ST6GALNAC5: variants seen among roughly 807,000 people sequenced by gnomAD.
ST6GALNAC5 encodes the protein ST6 N-acetylgalactosaminide alpha-2,6-sialyltransferase 5, also known as alpha-N-acetylgalactosaminide alpha-2,6-sialyltransferase 5.
Under a neutral mutation model 33.6 loss-of-function variants are expected in ST6GALNAC5, and 27 were observed. The ratio of observed to expected loss-of-function variants is 0.80; its 90% CI spans 0.59 to 1.11. The LOEUF is 1.11. Among genes scored for constraint, ST6GALNAC5 ranks in the 50% least tolerant of loss-of-function variants. The pLI, the probability that ST6GALNAC5 is intolerant of heterozygous loss-of-function variation, is 0.00. For synonymous variants in ST6GALNAC5, 194 were observed against 171.2 expected (o/e 1.13, Z -1.04); for missense variants, 428 against 454.0 (o/e 0.94, Z 0.52).
At chr1:77,033,819 T>C (rs1651551300) in intron 2 of ST6GALNAC5, among the ~76,000 whole-genome samples, 1 of 149,988 alleles carries the variant, frequency 6.7e-6, no homozygotes, top group Admixed American at 6.7e-5. Flanking sequence ...GGGTGGGGAG[T>C]GAAATGAGTG....
Position 76,912,632 on chromosome 1 carries a change from G to C in ST6GALNAC5, c.261+43890G>C, listed in dbSNP as rs1292011243. 2.0e-5 allele frequency among the ~76,000 whole-genome samples: 3 copies of C among 150,812 alleles called. No homozygotes were observed. In the East Asian group the frequency reaches 5.8e-4, roughly 29 times the overall value. On this transcript the variant is annotated intron_variant, in intron 2 of 4. Transcript: ENST00000477717. ...CCTGTATTGGGTGCATATATATTTA[G>C]GATAGTTAGCTCTTCTTGTTGAATT...
At chr1:76,916,813 T>A (rs1646980684) in intron 2 of ST6GALNAC5, among the ~76,000 whole-genome samples, 1 of 152,170 alleles carries the variant, frequency 6.6e-6, no homozygotes, top group Admixed American at 6.6e-5. Flanking sequence ...TGGCTTCACG[T>A]TCCAAACAAT....
At chr1:76,911,577 C>CT (rs1327365915) in intron 2 of ST6GALNAC5, among the ~76,000 whole-genome samples, 2 of 152,000 alleles carry the variant, frequency 1.3e-5, no homozygotes, top group African/African-American at 4.8e-5. Flanking sequence ...TGGTCCTGGA[C>CT]TCTTTTTGGT....
chr1:77,067,138 A>G lies in ST6GALNAC5; in HGVS notation c.*3932A>G, dbSNP rs945647305. Among the ~76,000 whole-genome samples the G allele has an allele frequency of 6.3e-5, 9 of 143,990 alleles. No individual in the cohort carries two copies. Among genetic ancestry groups the G allele is most frequent in the Non-Finnish European group, 9.0e-5 (6 of 66,716 alleles). The allele number at this position is 143,990 out of a possible 152,430, so 94.5% of individuals were successfully genotyped here. Reference sequence around the variant, plus strand: ...ACCCTATCAGAAGGCCACGTCAAAGAGAACTATAATAATAAGCCCTGGGGG... The same window carrying G: ...ACCCTATCAGAAGGCCACGTCAAAGGGAACTATAATAATAAGCCCTGGGGG... On this transcript the variant is annotated 3_prime_UTR_variant, in exon 5 of 5. Transcript: ENST00000477717.
At chr1:76,916,502 CTTTAT>C (rs1441716552) in intron 2 of ST6GALNAC5, among the ~76,000 whole-genome samples, 1 of 151,998 alleles carries the variant, frequency 6.6e-6, no homozygotes, top group Non-Finnish European at 1.5e-5. Flanking sequence ...CTAAATTTTA[CTTTAT>C]TTTTTGATGT....
intron 2 of ST6GALNAC5, among the ~76,000 whole-genome samples, chr1:77,012,206 T>C (rs901733097): frequency 7.2e-5 from 11 of 152,168 alleles, no homozygotes; most frequent in African/African-American, 2.7e-4. Context: ...ATGCCTTCTC[T>C]GCAGAAATAA....
chr1:76,954,939 A>G (rs1363976936), intron 2 of ST6GALNAC5, among the ~76,000 whole-genome samples: 2 of 152,140 alleles, frequency 1.3e-5, no homozygotes, highest in Non-Finnish European at 2.9e-5. Flanking sequence ...CATTAATTTA[A>G]CAAATACTTG....
intron 2 of ST6GALNAC5, among the ~76,000 whole-genome samples, chr1:77,017,870 A>C (rs2100432524): frequency 6.6e-6 from 1 of 152,338 alleles, no homozygotes; most frequent in South Asian, 2.1e-4. Context: ...GTACAATGGA[A>C]AGAACACTAC....
At chr1:76,867,940 G>T (rs928540739) in intron 1 of ST6GALNAC5, among the ~76,000 whole-genome samples, 2 of 152,220 alleles carry the variant, frequency 1.3e-5, no homozygotes, top group South Asian at 2.1e-4. Context: ...GTCCGAGGGG[G>T]TGGCGGAGAG....
chr1:76,991,367 A>C (rs1649721695), intron 2 of ST6GALNAC5, among the ~76,000 whole-genome samples: 1 of 152,226 alleles, frequency 6.6e-6, no homozygotes, highest in South Asian at 2.1e-4. Flanking sequence ...AGGGCTCAAC[A>C]CAGTTATATA....
chr1:76,886,108 C>T (rs1195235617), intron 2 of ST6GALNAC5, among the ~76,000 whole-genome samples: 1 of 150,614 alleles, frequency 6.6e-6, no homozygotes, highest in Non-Finnish European at 1.5e-5. Context: ...ATCTAATTCC[C>T]TGACCACCAT....
At chr1:77,045,871 G>A (rs1359258274) in intron 3 of ST6GALNAC5, among the ~76,000 whole-genome samples, 2 of 152,316 alleles carry the variant, frequency 1.3e-5, no homozygotes, top group African/African-American at 4.8e-5. Flanking sequence ...GGCCACTAGA[G>A]AGTACAGCTC....
intron 2 of ST6GALNAC5, among the ~76,000 whole-genome samples, chr1:76,905,942 G>T (rs568148248): frequency 6.6e-6 from 1 of 152,114 alleles, no homozygotes; most frequent in Admixed American, 6.6e-5. Context: ...ATGGAGAAAG[G>T]TGCCTTCTAT....
intron 2 of ST6GALNAC5, among the ~76,000 whole-genome samples, chr1:76,962,688 A>G (rs858603): frequency 0.52 from 79,513 of 152,098 alleles, 21,418 homozygotes; most frequent in African/African-American, 0.65. Context: ...GTGCACACAC[A>G]TTTATATTTT....
At chr1:76,882,648 T>C (rs566138870) in intron 2 of ST6GALNAC5, among the ~76,000 whole-genome samples, 1 of 152,282 alleles carries the variant, frequency 6.6e-6, no homozygotes, top group Non-Finnish European at 1.5e-5. Flanking sequence ...CAGACTGAAA[T>C]GCAGTGCCAA....
chr1:77,002,013 T>C (rs1340237697), intron 2 of ST6GALNAC5, among the ~76,000 whole-genome samples: 1 of 152,180 alleles, frequency 6.6e-6, no homozygotes, highest in East Asian at 1.9e-4. Flanking sequence ...ATAAAATGAG[T>C]TAGGAAGGAT....
intron 2 of ST6GALNAC5, among the ~76,000 whole-genome samples, chr1:76,923,504 C>A (rs145205694): frequency 6.6e-6 from 1 of 151,954 alleles, no homozygotes; most frequent in African/African-American, 2.4e-5. Context: ...ACCAGCCTGG[C>A]CAACATGGTG....
intron 3 of ST6GALNAC5, among the ~76,000 whole-genome samples, 182 bp from the exon 4 acceptor site, chr1:77,050,076 T>G (rs1652169287): frequency 6.6e-6 from 1 of 152,226 alleles, no homozygotes; most frequent in South Asian, 2.1e-4. Context: ...ATGATTGTAC[T>G]GTGGAATATG....
intron 2 of ST6GALNAC5, among the ~76,000 whole-genome samples, chr1:76,944,858 G>A (rs992977249): frequency 1.3e-5 from 2 of 151,954 alleles, no homozygotes; most frequent in African/African-American, 4.8e-5. Context: ...AGCATTTTCT[G>A]CTCAGAATTC....
Sources: allele counts gnomAD v4.1 joint callset (sites outside exome capture counted in the v4.1 genomes callset), GRCh38; gene constraint gnomAD v4.1.1; transcripts MANE v1.5; gene names NCBI Gene and HGNC (gene_info 2026-07-23, HGNC 2026-07-21).